Variants in PDE10A observed in about 807,000 individuals in gnomAD.
PDE10A encodes phosphodiesterase 10A, also known as cAMP and cAMP-inhibited cGMP 3',5'-cyclic phosphodiesterase 10A.
PDE10A carries 39 observed loss-of-function variants against 97.7 expected under a neutral mutation model. The ratio of observed to expected loss-of-function variants is 0.40; its 90% CI spans 0.31 to 0.52. The LOEUF is 0.52. Among genes scored for constraint, PDE10A ranks in the 20% least tolerant of loss-of-function variants. The pLI, the probability that PDE10A is intolerant of heterozygous loss-of-function variation, is 0.56. For synonymous variants in PDE10A, 371 were observed against 376.8 expected, an observed-to-expected ratio of 0.98 and a Z score of 0.18; for missense variants, 731 against 1,047.8, an observed-to-expected ratio of 0.70 and a Z score of 4.17.
chr6:165,816,570 T>A (rs1779419648), intron 1 of PDE10A, among the ~76,000 whole-genome samples: 1 of 152,236 alleles, frequency 6.6e-6, no homozygotes. Flanking sequence ...TTCTTAGTAA[T>A]GTTATGAGGG....
chr6:165,392,592 C>A, intron 16 of PDE10A, 54 bp downstream of exon 16: 1 of 1,514,082 alleles, frequency 6.6e-7, no homozygotes, highest in Non-Finnish European at 9.1e-7. Flanking sequence ...TCCTGACACA[C>A]AGTATTAAAT....
intron 1 of PDE10A, among the ~76,000 whole-genome samples, chr6:165,613,485 A>G (rs971240181): frequency 6.6e-6 from 1 of 152,046 alleles, no homozygotes; most frequent in Admixed American, 6.6e-5. Flanking sequence ...ACAAAAATAC[A>G]AAAATTAGCC....
chr6:165,889,213 G>C (rs949595851), intron 1 of PDE10A, among the ~76,000 whole-genome samples: 1 of 152,262 alleles, frequency 6.6e-6, no homozygotes, highest in African/African-American at 2.4e-5. Context: ...TATCATGCAG[G>C]CTCTATGGTG....
At chr6:165,762,468 T>C (rs1793274284) in intron 1 of PDE10A, among the ~76,000 whole-genome samples, 1 of 150,350 alleles carries the variant, frequency 6.7e-6, no homozygotes. Context: ...ACATCAGTGG[T>C]CTTTAGATTT....
intron 1 of PDE10A, among the ~76,000 whole-genome samples, chr6:165,958,716 G>GAAGAAAGA (rs58415177): frequency 3.6e-4 from 21 of 58,766 alleles, no homozygotes; most frequent in Admixed American, 6.2e-4. Context: ...AAGAAAGAGA[G>GAAGAAAGA]AAGAAAGAAA....
chr6:165,664,723 G>A (rs1325573927), upstream of PDE10A, among the ~76,000 whole-genome samples: 2 of 152,322 alleles, frequency 1.3e-5, no homozygotes, highest in East Asian at 3.9e-4. Flanking sequence ...CGGAGTTTGT[G>A]CTTTCGCGAC....
intron 18 of PDE10A, among the ~76,000 whole-genome samples, chr6:165,374,276 TTTAA>T (rs561168477): frequency 7.3e-4 from 111 of 151,830 alleles, no homozygotes; most frequent in Admixed American, 4.3e-3. Context: ...TAAAGAAAAC[TTTAA>T]TTATTATTTG....
intron 10 of PDE10A, among the ~76,000 whole-genome samples, chr6:165,424,146 A>C (rs984352885): frequency 2.0e-5 from 3 of 152,128 alleles, no homozygotes; most frequent in Non-Finnish European, 4.4e-5. Context: ...ACTTCCACAC[A>C]TCCACCAGAC....
intron 1 of PDE10A, among the ~76,000 whole-genome samples, chr6:165,925,429 C>A (rs1304652727): frequency 6.6e-6 from 1 of 152,158 alleles, no homozygotes; most frequent in Non-Finnish European, 1.5e-5. Context: ...TACACAGAAA[C>A]CTGTACACAA....
At chr6:165,600,631 T>G (rs555894091) in intron 1 of PDE10A, among the ~76,000 whole-genome samples, 1 of 152,326 alleles carries the variant, frequency 6.6e-6, no homozygotes, top group Admixed American at 6.5e-5. Flanking sequence ...ATTGACTTCC[T>G]CACTTGATGT....
chr6:165,331,176 A>C lies in PDE10A; in HGVS notation c.*1849T>G, dbSNP rs1299597792. ...GTTTACATACATGAGTGTGTATCCT[A>C]TATACATCTATGTGTGTGTTCTACA... On this transcript the variant is annotated 3_prime_UTR_variant, in exon 22 of 22. Coordinates refer to ENST00000539869, the MANE Select transcript of PDE10A (RefSeq NM_001385079.1). The C allele has an allele frequency of 1.3e-5, 2 of 152,124 alleles. No homozygotes were observed. Among genetic ancestry groups the C allele is most frequent in the Non-Finnish European group, 2.9e-5 (2 of 68,008 alleles). 9.4% of individuals were successfully genotyped at this position (152,124 alleles called of 1,614,324 possible). A position where few individuals can be genotyped will look rare whatever the true frequency, so the allele number is the denominator to read the frequency against.
chr6:165,475,754 G>T (rs1281709101), intron 3 of PDE10A, among the ~76,000 whole-genome samples: 2 of 152,190 alleles, frequency 1.3e-5, no homozygotes, highest in Non-Finnish European at 2.9e-5. Flanking sequence ...ACTGAATTGA[G>T]CATTTCTTTT....
At position 165,450,302 on chromosome 6, in the gene PDE10A, A is replaced by C; in HGVS notation, c.1084T>G (p.Leu362Val). Residue 362 changes from leucine (L) to valine (V), a missense_variant, in exon 4 of 22, where the codon TTG becomes GTG. This residue lies in a region of PDE10A where 152 missense variants were observed against 199.3 expected (regional missense o/e 0.76). Transcript: ENST00000539869. ...YELNSYIEQR[L>V]DTGGDNQLLL... ...AGCTGGTTGTCTCCTCCTGTGTCCAACCGTTGTTCTATATAGCTGTTTAGT... is the reference window on the plus strand; with the variant it reads ...AGCTGGTTGTCTCCTCCTGTGTCCACCCGTTGTTCTATATAGCTGTTTAGT... 1.2e-6 allele frequency: 2 copies of C among 1,602,192 alleles called. No individual in the cohort carries two copies. The highest frequency in any genetic ancestry group is 1.7e-6 in the Non-Finnish European group (2 of 1,170,150).
intron 2 of PDE10A, among the ~76,000 whole-genome samples, chr6:165,503,906 G>T (rs772318093): frequency 6.6e-6 from 1 of 152,096 alleles, no homozygotes; most frequent in Admixed American, 6.5e-5. Flanking sequence ...ATAAGATTAC[G>T]TAATAAATTA....
intron 1 of PDE10A, among the ~76,000 whole-genome samples, chr6:165,705,065 T>G (rs574471343): frequency 2.0e-5 from 3 of 152,208 alleles, no homozygotes; most frequent in Non-Finnish European, 2.9e-5. Context: ...AGGGTGCTTC[T>G]TGTGGTACCA....
intron 1 of PDE10A, among the ~76,000 whole-genome samples, chr6:165,937,028 G>A (rs562186174): frequency 8.5e-5 from 13 of 152,344 alleles, no homozygotes; most frequent in African/African-American, 2.2e-4. Context: ...ATTTGCTTGC[G>A]CTGAGACGAA....
At chr6:165,451,489 C>T (rs964329559) in intron 3 of PDE10A, among the ~76,000 whole-genome samples, 10 of 152,154 alleles carry the variant, frequency 6.6e-5, no homozygotes, top group African/African-American at 1.9e-4. Context: ...AAAAACGCCT[C>T]GCACAGTAAC....
intron 3 of PDE10A, among the ~76,000 whole-genome samples, chr6:165,464,581 C>T (rs543746475): frequency 1.3e-5 from 2 of 152,108 alleles, no homozygotes; most frequent in East Asian, 1.9e-4. Context: ...GGTACTAGTG[C>T]ATAAATCCTT....
chr6:165,876,245 T>C (rs1562778076), intron 1 of PDE10A, among the ~76,000 whole-genome samples: 1 of 152,114 alleles, frequency 6.6e-6, no homozygotes, highest in Non-Finnish European at 1.5e-5. Context: ...AAATATTACA[T>C]TAAAAAAAGC....
Sources: gnomAD v4.1 joint callset for allele counts (sites outside exome capture counted in the v4.1 genomes callset) on GRCh38, gnomAD v4.1.1 for gene constraint, gnomAD v4.1.1 regional missense constraint, MANE v1.5 for transcripts, NCBI Gene and HGNC (gene_info 2026-07-23, HGNC 2026-07-21) for gene names.